PRR16: variants seen among roughly 807,000 people sequenced by gnomAD.
PRR16 encodes proline rich 16, also known as protein Largen.
In PRR16, 6 loss-of-function variants were observed where a neutral mutation model predicts 18.2. The observed-to-expected ratio is 0.33, with a 90% confidence interval of 0.18 to 0.65. The LOEUF (loss-of-function observed/expected upper bound fraction) is 0.65. PRR16 is among the 30% of genes least tolerant of loss of function. The probability of loss-of-function intolerance (pLI) is 0.74; values close to 1 mark genes in which losing one functional copy is unlikely to be tolerated. For synonymous variants in PRR16, 151 were observed against 147.8 expected (o/e 1.02, Z -0.16); for missense variants, 412 against 376.6 (o/e 1.09, Z -0.78).
At chr5:120,718,786 C>T in the PRR16 span, among the ~76,000 whole-genome samples, 1 of 152,130 alleles carries the variant, frequency 6.6e-6, no homozygotes, top group Non-Finnish European at 1.5e-5. Context: ...GGTAGGCAGG[C>T]AAGTATTACC....
At chr5:120,787,315 G>C in the PRR16 span, among the ~76,000 whole-genome samples, 1 of 152,098 alleles carries the variant, frequency 6.6e-6, no homozygotes, top group Non-Finnish European at 1.5e-5. Flanking sequence ...TTGAGGCTTT[G>C]TTTAGTGGGT....
At chr5:120,774,513 A>G in the PRR16 span, among the ~76,000 whole-genome samples, 1 of 152,148 alleles carries the variant, frequency 6.6e-6, no homozygotes, top group African/African-American at 2.4e-5. Flanking sequence ...AAGTGCATAG[A>G]AGCCACCCGA....
chr5:120,609,549 G>C (rs917131641), intron 1 of PRR16, among the ~76,000 whole-genome samples: 1 of 152,002 alleles, frequency 6.6e-6, no homozygotes, highest in Non-Finnish European at 1.5e-5. Flanking sequence ...TAAGATTTTC[G>C]ACAATGAAAA....
chr5:120,510,949 A>G (rs1750807123), intron 1 of PRR16, among the ~76,000 whole-genome samples: 1 of 152,160 alleles, frequency 6.6e-6, no homozygotes, highest in Non-Finnish European at 1.5e-5. Context: ...TGTGGATGAG[A>G]GTACAGGACA....
chr5:120,681,534 C>A (rs374133188), intron 1 of PRR16, among the ~76,000 whole-genome samples: 1 of 152,102 alleles, frequency 6.6e-6, no homozygotes, highest in South Asian at 2.1e-4. Flanking sequence ...GTAATCAATG[C>A]ATAACTTGAC....
intron 1 of PRR16, among the ~76,000 whole-genome samples, chr5:120,529,814 G>T (rs1187959759): frequency 6.6e-6 from 1 of 151,956 alleles, no homozygotes; most frequent in Non-Finnish European, 1.5e-5. Flanking sequence ...ATTGTCAAAG[G>T]ATCTAGTTAC....
the PRR16 span, among the ~76,000 whole-genome samples, chr5:120,699,002 G>C: frequency 2.6e-5 from 4 of 152,136 alleles, no homozygotes; most frequent in African/African-American, 7.2e-5. Flanking sequence ...GGCCTTCTCA[G>C]ACCCTGTAGG....
chr5:120,650,347 CTT>C (rs1328458926), intron 1 of PRR16, among the ~76,000 whole-genome samples: 1 of 148,758 alleles, frequency 6.7e-6, no homozygotes, highest in East Asian at 2.0e-4. Flanking sequence ...TTTTATTATA[CTT>C]TAAGTTTTAG....
At chr5:120,666,049 A>G (rs1482004294) in intron 1 of PRR16, among the ~76,000 whole-genome samples, 2 of 152,092 alleles carry the variant, frequency 1.3e-5, no homozygotes, top group Non-Finnish European at 2.9e-5. Context: ...TACCTTGGGC[A>G]GTATGGCCAT....
chr5:120,569,256 C>G (rs934319450), intron 1 of PRR16, among the ~76,000 whole-genome samples: 4 of 152,076 alleles, frequency 2.6e-5, no homozygotes, highest in African/African-American at 9.7e-5. Context: ...CTTTCATAAG[C>G]TTGTGAATTT....
At chr5:120,615,538 AT>A (rs938212611) in intron 1 of PRR16, among the ~76,000 whole-genome samples, 2 of 151,688 alleles carry the variant, frequency 1.3e-5, no homozygotes, top group African/African-American at 2.4e-5. Context: ...TGAATGTCTA[AT>A]TTTTTTAATA....
intron 1 of PRR16, among the ~76,000 whole-genome samples, chr5:120,674,959 A>G (rs1756745240): frequency 6.6e-6 from 1 of 151,384 alleles, no homozygotes; most frequent in South Asian, 2.1e-4. Flanking sequence ...ATGTGTTATT[A>G]TTTTATAACT....
chr5:120,694,344 T>C, the PRR16 span, among the ~76,000 whole-genome samples: 52 of 152,214 alleles, frequency 3.4e-4, no homozygotes, highest in African/African-American at 1.2e-3. Context: ...AGAAGTCTCA[T>C]TTTTGATGGA....
chr5:120,595,914 T>C (rs181689995), intron 1 of PRR16, among the ~76,000 whole-genome samples: 5 of 152,088 alleles, frequency 3.3e-5, no homozygotes, highest in Admixed American at 6.6e-5. Flanking sequence ...AATTACCTAA[T>C]ATATTTCCTG....
Position 120,613,828 on chromosome 5 carries a change from A to G in PRR16, c.160-72126A>G, listed in dbSNP as rs78901647. 2.2e-4 allele frequency among the ~76,000 whole-genome samples: 33 copies of G among 152,340 alleles called. No homozygotes were observed. In the East Asian group the frequency reaches 4.8e-3, roughly 22 times the overall value. On this transcript the variant is annotated intron_variant, in intron 1 of 1. Coordinates refer to ENST00000407149, the MANE Select transcript of PRR16 (RefSeq NM_001300783.2). Reference sequence around the variant, plus strand: ...TTAAGAAATCTGGACTGAGAATCCAATAGCCCTCTGCTGTTTAGCCTAAGA... The same window carrying G: ...TTAAGAAATCTGGACTGAGAATCCAGTAGCCCTCTGCTGTTTAGCCTAAGA...
In PRR16 at chr5:120,542,248, C is replaced by T. The variant is rs545864264; in HGVS notation, c.159+77603C>T. Among the ~76,000 whole-genome samples the T allele has an allele frequency of 9.2e-5, 14 of 152,128 alleles. No individual in the cohort carries two copies. The South Asian group carries it at 2.7e-3, about 29-fold the overall frequency. On this transcript the variant is annotated intron_variant, in intron 1 of 1. Transcript: ENST00000407149. ...TGAAAAAGTAAATAAATATTTTCTT[C>T]AAGATAAATATATAACTTCTGTTTT...
downstream of PRR16, among the ~76,000 whole-genome samples, chr5:120,689,929 A>G (rs1757189971): frequency 6.6e-6 from 1 of 152,140 alleles, no homozygotes; most frequent in East Asian, 1.9e-4. Flanking sequence ...GCTTAAGCCA[A>G]ATCTAAAAAT....
At chr5:120,528,826 A>C (rs577415812) in intron 1 of PRR16, among the ~76,000 whole-genome samples, 4 of 152,142 alleles carry the variant, frequency 2.6e-5, no homozygotes, top group Non-Finnish European at 5.9e-5. Context: ...GGACATACTG[A>C]TGAGGAGTAC....
chr5:120,778,549 C>G, the PRR16 span, among the ~76,000 whole-genome samples: 1 of 152,108 alleles, frequency 6.6e-6, no homozygotes, highest in African/African-American at 2.4e-5. Flanking sequence ...GAATAGACAA[C>G]TAGATGTTTT....
Sources: gnomAD v4.1 joint callset for allele counts (sites outside exome capture counted in the v4.1 genomes callset) on GRCh38, gnomAD v4.1.1 for gene constraint, MANE v1.5 for transcripts, NCBI Gene and HGNC (gene_info 2026-07-23, HGNC 2026-07-21) for gene names.